PRKACA: variants seen among roughly 807,000 people sequenced by gnomAD.
PRKACA encodes the protein cAMP-dependent protein kinase catalytic subunit alpha.
Under a neutral mutation model 45.8 loss-of-function variants are expected in PRKACA, and 9 were observed. That is an observed-to-expected ratio of 0.20 (90% CI 0.12 to 0.34). PRKACA has a LOEUF of 0.34. Among genes scored for constraint, PRKACA ranks in the 10% least tolerant of loss-of-function variants. The pLI, the probability that PRKACA is intolerant of heterozygous loss-of-function variation, is 1.00. For missense variants in PRKACA, 238 were observed against 458.6 expected (o/e 0.52, Z 4.39); for synonymous variants, 160 against 178.6 (o/e 0.90, Z 0.83).
chr19:14,107,422 G>T lies in PRKACA; in HGVS notation c.47-13C>A, dbSNP rs760172507. 5.0e-6 allele frequency: 8 copies of T among 1,612,966 alleles called. No individual in the cohort carries two copies. Among genetic ancestry groups the T allele is most frequent in the Non-Finnish European group, 6.8e-6 (8 of 1,179,032 alleles). On this transcript the variant is annotated splice_polypyrimidine_tract_variant and intron_variant, in intron 1 of 9. Coordinates refer to ENST00000308677, the MANE Select transcript of PRKACA (RefSeq NM_002730.4). ...AAGAATTCTTTCACTGAAAGGGAGA[G>T]AGGGGAGAGTTATACAGAGACGCCC...
At chr19:14,109,562 G>A (rs1053142048) in intron 1 of PRKACA, among the ~76,000 whole-genome samples, 1 of 151,698 alleles carries the variant, frequency 6.6e-6, no homozygotes, top group Non-Finnish European at 1.5e-5. Flanking sequence ...AGGTTGCAGT[G>A]AGCCGAGATT....
rs752172758 is a variant in PRKACA at position 14,106,902 on chromosome 19, G to T, written c.109-14C>A. ...GTGGGCTGTGTTCTGTGGGCAGAGG[G>T]GTCGGTAGGCTCAGGGCACGCCCTC... On this transcript the variant is annotated splice_polypyrimidine_tract_variant and intron_variant, in intron 2 of 9. Transcript: ENST00000308677. 5 of 1,613,860 alleles carry T rather than the reference G, an allele frequency of 3.1e-6. No homozygotes were observed. The African/African-American group carries it at 6.7e-5, about 22-fold the overall frequency.
Position 14,102,871 on chromosome 19 carries a change from C to T in PRKACA, c.281G>A (p.Arg94His), listed in dbSNP as rs779586629. 11 of 1,614,130 alleles carry T rather than the reference C, an allele frequency of 6.8e-6. No individual in the cohort carries two copies. Among genetic ancestry groups the T allele is most frequent in the Non-Finnish European group, 8.5e-6 (10 of 1,180,030 alleles). ...CGGAAAGTTGACAGCTTGCAGGATG[C>T]GCTTTTCATTCAGGGTGTGTTCGAT... ...KQIEHTLNEK[R>H]ILQAVNFPFL... Residue 94 changes from arginine to histidine, a missense_variant, in exon 4 of 10, where the codon CGC (arginine) becomes CAC (histidine). This residue lies in a region of PRKACA where 93 missense variants were observed against 149.1 expected (regional missense o/e 0.62). Transcript: ENST00000308677.
At chr19:14,102,759 G>A (rs1486608083) in intron 4 of PRKACA, 57 bp downstream of exon 4, 2 of 1,443,308 alleles carry the variant, frequency 1.4e-6, no homozygotes, top group Non-Finnish European at 2.0e-6. Flanking sequence ...AGCCCTGGGG[G>A]CCAGAAGGCT....
At chr19:14,094,221 C>T (rs1223406213) in intron 8 of PRKACA, among the ~76,000 whole-genome samples, 1 of 144,340 alleles carries the variant, frequency 6.9e-6, no homozygotes, top group Non-Finnish European at 1.5e-5. Context: ...AATAGCCTCA[C>T]TCTGTAGCCC....
At chr19:14,109,648 T>C (rs1464445277) in intron 1 of PRKACA, among the ~76,000 whole-genome samples, 1 of 143,136 alleles carries the variant, frequency 7.0e-6, no homozygotes, top group African/African-American at 2.6e-5. Context: ...AAAGAAAATA[T>C]GGGGAGCGAT....
At chr19:14,115,130 C>T in intron 1 of PRKACA, 3 of 985,198 alleles carry the variant, frequency 3.0e-6, no homozygotes, top group Non-Finnish European at 3.6e-6. Flanking sequence ...GGAAGTACAG[C>T]TTCGGGCGTT....
intron 4 of PRKACA, among the ~76,000 whole-genome samples, chr19:14,102,582 G>A (rs1977476455): frequency 6.6e-6 from 1 of 152,214 alleles, no homozygotes; most frequent in African/African-American, 2.4e-5. Context: ...ATGTTACTGA[G>A]GTTGGGTGAC....
At position 14,117,608 on chromosome 19, in the gene PRKACA, C is replaced by T. The variant is rs1054659490; in HGVS notation, c.-61G>A. On this transcript the variant is annotated 5_prime_UTR_variant, in exon 1 of 10. Coordinates refer to ENST00000308677, the MANE Select transcript of PRKACA (RefSeq NM_002730.4). Reference sequence around the variant, plus strand: ...CGGCGCGGCGGGTGCTGGCTGCGGCCGGCGGCCCCGGAGCGCGCTGGGCGG... The same window carrying T: ...CGGCGCGGCGGGTGCTGGCTGCGGCTGGCGGCCCCGGAGCGCGCTGGGCGG... 6.3e-6 allele frequency: 6 copies of T among 948,904 alleles called. No homozygotes were observed. Among genetic ancestry groups the T allele is most frequent in the South Asian group, 9.3e-5 (2 of 21,506 alleles). 58.8% of individuals were successfully genotyped at this position (948,904 alleles called of 1,614,324 possible).
At chr19:14,115,547 A>G (rs935030335) in intron 1 of PRKACA, among the ~76,000 whole-genome samples, 1 of 152,184 alleles carries the variant, frequency 6.6e-6, no homozygotes, top group African/African-American at 2.4e-5. Flanking sequence ...TCACCAGAGT[A>G]GGTATCTCTA....
chr19:14,115,872 T>TCC (rs200937294), intron 1 of PRKACA, among the ~76,000 whole-genome samples: 1 of 149,518 alleles, frequency 6.7e-6, no homozygotes, highest in African/African-American at 2.5e-5. Context: ...GCCTGACTCC[T>TCC]CCCCCCCCGG....
rs1177253694 is a variant in PRKACA, at chr19:14,117,650, C to T, written c.-103G>A. On this transcript the variant is annotated 5_prime_UTR_variant, in exon 1 of 10. Transcript: ENST00000308677. ...GCTGGGCGGCGGCGGCGGCGGCCCTCGGGCTGGCTGCGCTAGCTGCGGCGC... is the reference window on the plus strand; with the variant it reads ...GCTGGGCGGCGGCGGCGGCGGCCCTTGGGCTGGCTGCGCTAGCTGCGGCGC... 7.5e-6 allele frequency: 5 copies of T among 668,720 alleles called. No homozygotes were observed. Among genetic ancestry groups the T allele is most frequent in the Admixed American group, 6.5e-5 (1 of 15,476 alleles). 41.4% of individuals were successfully genotyped at this position (668,720 alleles called of 1,614,324 possible).
At chr19:14,116,682 C>G (rs1967113422) in intron 1 of PRKACA, among the ~76,000 whole-genome samples, 1 of 152,078 alleles carries the variant, frequency 6.6e-6, no homozygotes, top group African/African-American at 2.4e-5. Context: ...TACCCCAACG[C>G]AGGAAAGAGG....
chr19:14,101,169 G>A, intron 4 of PRKACA: 5 of 433,136 alleles, frequency 1.2e-5, no homozygotes, highest in South Asian at 8.2e-5. Flanking sequence ...CTGGGAGCTT[G>A]AGTAAGGCTC....
intron 5 of PRKACA, chr19:14,098,130 A>G: frequency 2.1e-6 from 1 of 484,250 alleles, no homozygotes; most frequent in Non-Finnish European, 3.7e-6. Flanking sequence ...CACCACCGCC[A>G]ACAGGACAGC....
rs1003478644 is a variant in PRKACA at position 14,092,460 on chromosome 19, G to C, written c.*652C>G. On this transcript the variant is annotated 3_prime_UTR_variant, in exon 10 of 10. Coordinates refer to ENST00000308677, the MANE Select transcript of PRKACA (RefSeq NM_002730.4). The stretch of plus-strand genomic sequence containing the variant: ...CCCAGCGCCTCCCTTTCCAAAGTCA[G>C]TCTGCTTCTCTTTAAAATGGATTTG... The C allele has an allele frequency of 2.5e-6, 1 of 395,196 alleles. No homozygotes were observed. Among genetic ancestry groups the C allele is most frequent in the Non-Finnish European group, 4.5e-6 (1 of 224,306 alleles). 24.5% of individuals were successfully genotyped at this position (395,196 alleles called of 1,614,324 possible). A position where few individuals can be genotyped will look rare whatever the true frequency, so the allele number is the denominator to read the frequency against.
chr19:14,106,632 C>T (rs937939442), intron 3 of PRKACA, 128 bp downstream of exon 3: 19 of 1,327,012 alleles, frequency 1.4e-5, no homozygotes, highest in East Asian at 1.2e-4. Flanking sequence ...CCAGCCTGAG[C>T]GACAGAGCGA....
At chr19:14,111,730 G>A (rs1428993769) in intron 1 of PRKACA, among the ~76,000 whole-genome samples, 2 of 152,224 alleles carry the variant, frequency 1.3e-5, no homozygotes, top group Admixed American at 1.3e-4. Flanking sequence ...ATGAGCCACT[G>A]TGCCTGGCTT....
In PRKACA at chr19:14,093,101, C is replaced by G. The variant is rs41296312; in HGVS notation, c.*11G>C. The G allele has an allele frequency of 9.3e-4, 1,443 of 1,555,756 alleles. 11 individuals carry two copies. The African/African-American group carries it at 0.015, about 16-fold the overall frequency. On this transcript the variant is annotated 3_prime_UTR_variant, in exon 10 of 10. Transcript: ENST00000308677. Reference sequence around the variant, plus strand: ...AGAAAAAAGAAAACCCATGGGGGCACAGGCATGCCCCTAAAACTCAGAAAA... The same window carrying G: ...AGAAAAAAGAAAACCCATGGGGGCAGAGGCATGCCCCTAAAACTCAGAAAA...
Sources: gnomAD v4.1 joint callset for allele counts (sites outside exome capture counted in the v4.1 genomes callset) on GRCh38, gnomAD v4.1.1 for gene constraint, gnomAD v4.1.1 regional missense constraint, MANE v1.5 for transcripts, NCBI Gene and HGNC (gene_info 2026-07-23, HGNC 2026-07-21) for gene names.